The following ZNF267 variants were observed in gnomAD, a reference collection of about 807,000 sequenced individuals.
ZNF267 encodes zinc finger protein 267.
ZNF267 carries 61 observed loss-of-function variants against 71.6 expected under a neutral mutation model. The observed-to-expected ratio is 0.85, with a 90% confidence interval of 0.69 to 1.05. The LOEUF is 1.05. Ranked by LOEUF, ZNF267 falls within the 50% of genes least tolerant of loss-of-function variation. The pLI is 0.00. For missense variants in ZNF267, 852 were observed against 870.0 expected (o/e 0.98, Z 0.26); for synonymous variants, 288 against 293.2 (o/e 0.98, Z 0.18).
In ZNF267 at chr16:31,915,615, A is replaced by G; in HGVS notation, c.1366A>G (p.Thr456Ala). 1 of 1,613,866 alleles carries G rather than the reference A, an allele frequency of 6.2e-7. No individual in the cohort carries two copies. The highest frequency in any genetic ancestry group is 1.7e-4 in the Middle Eastern group (1 of 6,060). Residue 456 changes from threonine (T) to alanine (A), a missense_variant, in exon 4 of 4, where the codon ACA (threonine) becomes GCA (alanine). Physicochemically the swap from Thr to Ala is moderately conservative, Grantham distance 58 (BLOSUM62 0). Transcript: ENST00000300870. ...NRSSCLTQHQTTHTGEKLYKC... is the reference protein window; with the variant it reads ...NRSSCLTQHQATHTGEKLYKC... ...TAGTTCATGCCTTACTCAACATCAG[A>G]CAACTCATACAGGAGAAAAACTTTA... is the stretch of plus-strand genomic sequence containing the variant.
chr16:31,902,310 GT>G (rs1360885308), intron 3 of ZNF267, among the ~76,000 whole-genome samples: 2 of 152,014 alleles, frequency 1.3e-5, no homozygotes, highest in African/African-American at 4.8e-5. Context: ...CTTTAAAGTA[GT>G]TTTTTCCAAT....
intron 3 of ZNF267, among the ~76,000 whole-genome samples, chr16:31,886,987 A>G (rs1056994821): frequency 7.2e-5 from 11 of 152,286 alleles, no homozygotes; most frequent in African/African-American, 2.6e-4. Flanking sequence ...CTGACAGTGT[A>G]CAAGGGTTTT....
At chr16:31,882,908 T>A (rs1012330195) in intron 1 of ZNF267, among the ~76,000 whole-genome samples, 1 of 152,228 alleles carries the variant, frequency 6.6e-6, no homozygotes, top group Non-Finnish European at 1.5e-5. Context: ...TACTGAGTGA[T>A]GTCTATAAAC....
intron 3 of ZNF267, among the ~76,000 whole-genome samples, chr16:31,899,916 G>C (rs2084025809): frequency 6.6e-6 from 1 of 151,780 alleles, no homozygotes; most frequent in Non-Finnish European, 1.5e-5. Context: ...TTGCAATTAG[G>C]ACTTCTTAAT....
In ZNF267 at chr16:31,915,917, C is replaced by T; in HGVS notation, c.1668C>T (p.Ala556=). 2 of 1,613,906 alleles carry T rather than the reference C, an allele frequency of 1.2e-6. No homozygotes were observed. Among genetic ancestry groups the T allele is most frequent in the South Asian group, 1.1e-5 (1 of 91,082 alleles). ...ATAAATGTAAAGAATGTGGCAAAGC[C>T]TTTCCTTATAGTTCACACCTTATTC... ...KPYKCKECGK[A]FPYSSHLIRH... Residue 556 remains alanine, a synonymous_variant, in exon 4 of 4, where the codon GCC becomes GCT. Coordinates refer to ENST00000300870, the MANE Select transcript of ZNF267 (RefSeq NM_003414.6).
intron 1 of ZNF267, among the ~76,000 whole-genome samples, chr16:31,883,127 A>G (rs2142333106): frequency 6.6e-6 from 1 of 152,342 alleles, no homozygotes; most frequent in African/African-American, 2.4e-5. Context: ...ATTTTCAGAG[A>G]AAGAACAAGA....
At position 31,915,164 on chromosome 16, in the gene ZNF267, T is replaced by G. The variant is rs758177162; in HGVS notation, c.915T>G (p.Ser305Arg). The G allele has an allele frequency of 8.7e-6, 14 of 1,612,336 alleles. No homozygotes were observed. Among genetic ancestry groups the G allele is most frequent in the African/African-American group, 1.3e-5 (1 of 74,750 alleles). The change falls in exon 4 of 4, where the codon AGT becomes AGG. Residue 305 changes from serine (S) to arginine (R), a missense_variant. Coordinates refer to ENST00000300870, the MANE Select transcript of ZNF267 (RefSeq NM_003414.6). ...ATAACAAATATGATAAAGATCTTAG[T>G]CAGTCATCAAATCTTAGAAAGCAGA... The part of the protein sequence containing the change: ...YSYNKYDKDL[S>R]QSSNLRKQII...
chr16:31,891,036 T>C (rs76856528), intron 3 of ZNF267, among the ~76,000 whole-genome samples: 2,636 of 152,264 alleles, frequency 0.017, 77 homozygotes, highest in African/African-American at 0.06. Flanking sequence ...TCATGCTGTC[T>C]TCTGTTAATT....
At chr16:31,913,146 A>G (rs1373710588) in intron 3 of ZNF267, 1 of 152,152 alleles carries the variant, frequency 6.6e-6, no homozygotes, top group Non-Finnish European at 1.5e-5. Context: ...CTTGTTGGGA[A>G]GGCTTTCCAG....
intron 3 of ZNF267, among the ~76,000 whole-genome samples, chr16:31,903,581 GT>G (rs1381849131): frequency 1.3e-5 from 2 of 152,174 alleles, no homozygotes; most frequent in Non-Finnish European, 2.9e-5. Flanking sequence ...GCGTAGAGGT[GT>G]TTATAGTATT....
chr16:31,906,761 G>A (rs889407795), intron 3 of ZNF267, among the ~76,000 whole-genome samples: 7 of 151,748 alleles, frequency 4.6e-5, no homozygotes, highest in East Asian at 2.0e-4. Context: ...TTCGGCTCAC[G>A]CACGGTGGGC....
At chr16:31,881,954 C>G (rs899083030) in intron 1 of ZNF267, among the ~76,000 whole-genome samples, 1 of 152,198 alleles carries the variant, frequency 6.6e-6, no homozygotes, top group Non-Finnish European at 1.5e-5. Context: ...GCGTGAGCCA[C>G]CGTGCCCAGT....
At chr16:31,892,220 G>A (rs4889567) in intron 3 of ZNF267, among the ~76,000 whole-genome samples, 131,540 of 152,092 alleles carry the variant, frequency 0.86, 58,928 homozygotes, top group East Asian at 1. Context: ...GATGGCAGCA[G>A]GCAAAAAGAG....
intron 1 of ZNF267, chr16:31,875,426 A>G (rs1381768125): frequency 1.1e-6 from 1 of 881,618 alleles, no homozygotes; most frequent in African/African-American, 1.8e-5. Context: ...CTTCAAAGCT[A>G]GTTTTCATCC....
Position 31,916,947 on chromosome 16 carries a change from GC to G in ZNF267, c.*467del, listed in dbSNP as rs2084183318. 1 of 155,092 alleles carries G rather than the reference GC, an allele frequency of 6.4e-6. No homozygotes were observed. Among genetic ancestry groups the G allele is most frequent in the Non-Finnish European group, 1.4e-5 (1 of 69,996 alleles). The allele number at this position is 155,092 out of a possible 1,614,324, so 9.6% of individuals were successfully genotyped here. A position where few individuals can be genotyped will look rare whatever the true frequency, so the allele number is the denominator to read the frequency against. On this transcript the variant is annotated 3_prime_UTR_variant, in exon 4 of 4. Transcript: ENST00000300870. ...ATTTTTTGTACAGAATAATCTAAAGGCAAAATAATTAGATAATTTATTTGCT... is the reference window on the plus strand; with the variant it reads ...ATTTTTTGTACAGAATAATCTAAAGGAAAATAATTAGATAATTTATTTGCT...
At chr16:31,876,742 G>T (rs2083855167) in intron 1 of ZNF267, among the ~76,000 whole-genome samples, 1 of 152,062 alleles carries the variant, frequency 6.6e-6, no homozygotes, top group South Asian at 2.1e-4. Flanking sequence ...TCCAACACTG[G>T]GCATTCTCAT....
At position 31,874,090 on chromosome 16, in the gene ZNF267, CCCA is replaced by C. The variant is rs1203845811; in HGVS notation, c.3+122_3+124del. 4 of 1,151,064 alleles carry C rather than the reference CCCA, an allele frequency of 3.5e-6. No homozygotes were observed. The East Asian group carries it at 9.8e-5, about 28-fold the overall frequency. The allele number at this position is 1,151,064 out of a possible 1,614,324, so 71.3% of individuals were successfully genotyped here. A position where few individuals can be genotyped will look rare whatever the true frequency, so the allele number is the denominator to read the frequency against. ...CAGCCTCGGGGTCTGGGCCCCGAGT[CCCA>C]ACTGGTGCAGCTCGGCCCTCGGTCC... On this transcript the variant is annotated intron_variant, in intron 1 of 3. Coordinates refer to ENST00000300870, the MANE Select transcript of ZNF267 (RefSeq NM_003414.6).
intron 3 of ZNF267, among the ~76,000 whole-genome samples, chr16:31,906,726 C>G (rs563428706): frequency 1.3e-5 from 2 of 152,232 alleles, no homozygotes; most frequent in East Asian, 3.9e-4. Flanking sequence ...TTGCACTTCC[C>G]AGGTGAGGCA....
Position 31,916,671 on chromosome 16 carries a change from A to T in ZNF267, c.*190A>T. 1.6e-6 allele frequency: 1 copy of T among 635,392 alleles called. No individual in the cohort carries two copies. Among genetic ancestry groups the T allele is most frequent in the Non-Finnish European group, 2.6e-6 (1 of 377,758 alleles). 39.4% of individuals were successfully genotyped at this position (635,392 alleles called of 1,614,324 possible). On this transcript the variant is annotated 3_prime_UTR_variant, in exon 4 of 4. Transcript: ENST00000300870. ...ACAAATATTAAAAATGTGGCAAATTATTTTAAACTGTGCTCAACCCTTACT... is the reference window on the plus strand; with the variant it reads ...ACAAATATTAAAAATGTGGCAAATTTTTTTAAACTGTGCTCAACCCTTACT...
Sources: allele counts gnomAD v4.1 joint callset (sites outside exome capture counted in the v4.1 genomes callset), GRCh38; gene constraint gnomAD v4.1.1; transcripts MANE v1.5; gene names NCBI Gene and HGNC (gene_info 2026-07-23, HGNC 2026-07-21).